The following ZNF343 variants were observed in gnomAD, a reference collection of about 807,000 sequenced individuals.
ZNF343 encodes zinc finger protein 343.
In ZNF343, 11 loss-of-function variants were observed where a neutral mutation model predicts 13.8. That is an observed-to-expected ratio of 0.80 (90% CI 0.50 to 1.32). The LOEUF (loss-of-function observed/expected upper bound fraction) is 1.32, where lower values mean the gene tolerates loss of function less well. ZNF343 is among the 40% of genes most tolerant of loss of function. The pLI is 0.00. For missense variants in ZNF343, 658 were observed against 714.2 expected, an observed-to-expected ratio of 0.92 and a Z score of 0.90; for synonymous variants, 248 against 260.0, an observed-to-expected ratio of 0.95 and a Z score of 0.44.
intron 1 of ZNF343, among the ~76,000 whole-genome samples, chr20:2,501,352 T>G (rs1432076212): frequency 1.3e-5 from 2 of 152,212 alleles, no homozygotes; most frequent in Non-Finnish European, 2.9e-5. Flanking sequence ...CAAGGAGGCC[T>G]GCCTGCCTGC....
chr20:2,505,548 G>A (rs1347053252), intron 1 of ZNF343, among the ~76,000 whole-genome samples: 19 of 151,966 alleles, frequency 1.3e-4, no homozygotes, highest in African/African-American at 3.9e-4. Context: ...ACTATACTAC[G>A]AGGCTACAGT....
At chr20:2,494,235 G>A (rs1440560634) in intron 2 of ZNF343, among the ~76,000 whole-genome samples, 191 bp from the exon 3 acceptor site, 1 of 151,880 alleles carries the variant, frequency 6.6e-6, no homozygotes, top group Non-Finnish European at 1.5e-5. Flanking sequence ...TCCTGCTTGT[G>A]TTCTGCCACT....
intron 5 of ZNF343, 69 bp from the exon 6 acceptor site, chr20:2,484,725 G>A: frequency 1.4e-6 from 2 of 1,429,852 alleles, no homozygotes; most frequent in South Asian, 1.4e-5. Context: ...CCTTGTCTTA[G>A]GACAGAGAAT....
rs575547115 is a variant in ZNF343 at position 2,518,494 on chromosome 20, TGTACTCCAAA to T, written c.-347+5951_-347+5960del. 2.4e-3 allele frequency among the ~76,000 whole-genome samples: 373 copies of T among 152,346 alleles called. 4 individuals are homozygous for T. Among genetic ancestry groups the T allele is most frequent in the African/African-American group, 8.8e-3 (366 of 41,578 alleles). On this transcript the variant is annotated intron_variant, in intron 1 of 6. Coordinates refer to the ZNF343 transcript ENST00000358413. This position sits in a 1 kb window ranked among gnomAD's most constrained non-coding sequence, Gnocchi z 4.6. The stretch of plus-strand genomic sequence containing the variant: ...CACTAACTGTTGTCAAATAATCTTT[TGTACTCCAAA>T]GTACTCCAAAATACACAATAGTACT...
At chr20:2,522,004 A>G (rs1339767755) in intron 1 of ZNF343, among the ~76,000 whole-genome samples, 1 of 152,230 alleles carries the variant, frequency 6.6e-6, no homozygotes, top group South Asian at 2.1e-4. Context: ...TTTAAAATGA[A>G]TAAGTTATTT....
At chr20:2,521,063 C>A (rs1232393110) in intron 1 of ZNF343, among the ~76,000 whole-genome samples, 1 of 152,122 alleles carries the variant, frequency 6.6e-6, no homozygotes, top group African/African-American at 2.4e-5. Flanking sequence ...TAGACTTAGC[C>A]TTTGGGACAA....
intron 1 of ZNF343, among the ~76,000 whole-genome samples, chr20:2,507,280 A>G (rs1004784102): frequency 1.3e-5 from 2 of 151,902 alleles, no homozygotes; most frequent in African/African-American, 4.8e-5. Flanking sequence ...AAAAAAAAAA[A>G]AAAAGAGCAG....
intron 1 of ZNF343, among the ~76,000 whole-genome samples, chr20:2,517,325 A>C (rs724187): frequency 0.32 from 47,905 of 151,640 alleles, 8,179 homozygotes; most frequent in African/African-American, 0.44. Context: ...ATATACAAAT[A>C]TACACACACA....
chr20:2,513,730 G>A (rs182099748), upstream of ZNF343, among the ~76,000 whole-genome samples: 339 of 152,308 alleles, frequency 2.2e-3, 2 homozygotes, highest in Non-Finnish European at 3.7e-3. Context: ...GAAACAATCC[G>A]AATGTTCATC....
Position 2,493,987 on chromosome 20 carries a change from G to A in ZNF343, c.-92C>T. 2 of 889,238 alleles carry A rather than the reference G, an allele frequency of 2.2e-6. No individual in the cohort carries two copies. Among genetic ancestry groups the A allele is most frequent in the Non-Finnish European group, 3.7e-6 (2 of 535,292 alleles). 55.1% of individuals were successfully genotyped at this position (889,238 alleles called of 1,614,324 possible). A position where few individuals can be genotyped will look rare whatever the true frequency, so the allele number is the denominator to read the frequency against. On this transcript the variant is annotated 5_prime_UTR_variant, in exon 3 of 6. Transcript: ENST00000278772. ...CTCAAGATGGAGTTCTGCTGCCTGT[G>A]GTGACTTCTTCCAACCTTAATTATA... is the stretch of plus-strand genomic sequence containing the variant.
upstream of ZNF343, among the ~76,000 whole-genome samples, chr20:2,524,910 G>A (rs1568495011): frequency 1.3e-5 from 2 of 152,168 alleles, no homozygotes; most frequent in Non-Finnish European, 2.9e-5. Context: ...GATCTTCCGC[G>A]GGGCCCAGAC....
intron 1 of ZNF343, among the ~76,000 whole-genome samples, chr20:2,501,819 T>A (rs6083482): frequency 1.3e-5 from 2 of 152,104 alleles, no homozygotes; most frequent in South Asian, 2.1e-4. Context: ...TGTATGTCAC[T>A]ATCATCAAAG....
chr20:2,484,294 G>A lies in ZNF343; in HGVS notation c.667C>T (p.Pro223Ser), dbSNP rs781313156. ...TEPSSAQRPN[P>S]VQLDKGLKEL... is the part of the protein sequence containing the mutation. ...TTCAAGCCTTTGTCTAGCTGCACAG[G>A]GTTTGGTCTTTGGGCTGAGCTGGGC... is the stretch of plus-strand genomic sequence containing the variant. Residue 223 changes from proline (P) to serine (S), a missense_variant, in exon 6 of 6, where the codon CCT becomes TCT. Coordinates refer to ENST00000278772, the MANE Select transcript of ZNF343 (RefSeq NM_024325.6). The A allele has an allele frequency of 3.3e-5, 53 of 1,614,048 alleles. No individual in the cohort carries two copies. The Middle Eastern group carries it at 6.6e-4, about 20-fold the overall frequency.
At chr20:2,498,702 C>T (rs563484641) in intron 2 of ZNF343, among the ~76,000 whole-genome samples, 10 of 152,270 alleles carry the variant, frequency 6.6e-5, no homozygotes, top group South Asian at 6.2e-4. Flanking sequence ...TCTGCCAGGC[C>T]GTATAGGAAT....
At chr20:2,495,222 G>A (rs985862269) in intron 2 of ZNF343, among the ~76,000 whole-genome samples, 6 of 152,146 alleles carry the variant, frequency 3.9e-5, no homozygotes, top group African/African-American at 9.7e-5. Flanking sequence ...CTCTATTTAC[G>A]TGACTGTCTT....
chr20:2,494,088 G>A, intron 2 of ZNF343, 44 bp from the exon 3 acceptor site: 1 of 584,000 alleles, frequency 1.7e-6, no homozygotes. Flanking sequence ...GGCTTTTATT[G>A]TGGGCCCTAG....
rs1285204182 is a variant in ZNF343 at position 2,518,948 on chromosome 20, G to A, written c.-347+5507C>T. ...TCTGATGGTTTAAAAGTGTTTGGCA[G>A]TTCCCTGCCCCCCTCTCTCTTTCCT... is the stretch of plus-strand genomic sequence containing the variant. On this transcript the variant is annotated intron_variant, in intron 1 of 6. Transcript: ENST00000358413. The surrounding 1 kb of genome is among the most constrained non-coding windows in gnomAD (Gnocchi z 4.6). 6.6e-6 allele frequency among the ~76,000 whole-genome samples: 1 copy of A among 152,168 alleles called. No individual in the cohort carries two copies. Among genetic ancestry groups the A allele is most frequent in the Non-Finnish European group, 1.5e-5 (1 of 68,030 alleles).
At chr20:2,521,451 A>T (rs1020156131) in intron 1 of ZNF343, among the ~76,000 whole-genome samples, 8 of 152,140 alleles carry the variant, frequency 5.3e-5, no homozygotes, top group Non-Finnish European at 8.8e-5. Flanking sequence ...AGAGGTAGAG[A>T]TAGCCTGTGG....
intron 2 of ZNF343, among the ~76,000 whole-genome samples, chr20:2,496,182 T>C (rs1457485074): frequency 1.3e-5 from 2 of 151,986 alleles, no homozygotes; most frequent in Non-Finnish European, 2.9e-5. Flanking sequence ...ACTGAAGGAG[T>C]TGCAATTTTA....
Sources: gnomAD v4.1 joint callset for allele counts (sites outside exome capture counted in the v4.1 genomes callset) on GRCh38, gnomAD v4.1.1 for gene constraint, Gnocchi (gnomAD v3.1) non-coding constraint, MANE v1.5 for transcripts, NCBI Gene and HGNC (gene_info 2026-07-23, HGNC 2026-07-21) for gene names.